The following CELF4 variants were observed in gnomAD, a reference collection of about 807,000 sequenced individuals.
CELF4 encodes the protein CUGBP Elav-like family member 4.
CELF4 carries 18 observed loss-of-function variants against 59.9 expected under a neutral mutation model. The observed-to-expected ratio is 0.30, with a 90% CI of 0.21 to 0.45. CELF4 has a LOEUF of 0.45. Ranked by LOEUF, CELF4 falls within the 20% of genes least tolerant of loss-of-function variation. The pLI, the probability that CELF4 is intolerant of heterozygous loss-of-function variation, is 1.00. For missense variants in CELF4, 456 were observed against 689.0 expected (o/e 0.66, Z 3.79); for synonymous variants, 261 against 267.1 (o/e 0.98, Z 0.22).
chr18:37,472,169 T>C (rs2099835070), intron 2 of CELF4, among the ~76,000 whole-genome samples: 1 of 152,192 alleles, frequency 6.6e-6, no homozygotes. Context: ...AAACACCTCT[T>C]GTGGGGGCAT....
intron 1 of CELF4, among the ~76,000 whole-genome samples, chr18:37,492,589 C>T (rs2099909634): frequency 6.6e-6 from 1 of 152,186 alleles, no homozygotes; most frequent in Non-Finnish European, 1.5e-5. Context: ...AGCAGATGTT[C>T]TGCTGCCACG....
chr18:37,417,733 C>A (rs1486119824), intron 2 of CELF4, among the ~76,000 whole-genome samples: 1 of 152,206 alleles, frequency 6.6e-6, no homozygotes. Context: ...ACTGTGAAGG[C>A]CAGTCTGATT....
intron 1 of CELF4, among the ~76,000 whole-genome samples, chr18:37,486,883 C>G (rs2154603243): frequency 6.6e-6 from 1 of 152,354 alleles, no homozygotes; most frequent in South Asian, 2.1e-4. Context: ...TCTCCGAAAC[C>G]CATTGATCTT....
At position 37,301,569 on chromosome 18, in the gene CELF4, T is replaced by C. The variant is rs568305028; in HGVS notation, c.448+20234A>G. Among the ~76,000 whole-genome samples, 7 of 152,266 alleles carry C rather than the reference T, an allele frequency of 4.6e-5. No individual in the cohort carries two copies. In the East Asian group the frequency reaches 1.4e-3, roughly 30 times the overall value. ...GCATGGGGCTGGACCATGTGTTTCC[T>C]CCCAGCTCAGCCCTGCTCCAGGTTG... On this transcript the variant is annotated intron_variant, in intron 3 of 12. Transcript: ENST00000420428.
intron 2 of CELF4, among the ~76,000 whole-genome samples, chr18:37,383,363 G>C (rs1339406229): frequency 6.6e-6 from 1 of 152,210 alleles, no homozygotes; most frequent in Non-Finnish European, 1.5e-5. Flanking sequence ...GCGCCACCCT[G>C]CATGGAGACA....
intron 3 of CELF4, among the ~76,000 whole-genome samples, chr18:37,302,845 C>T (rs2096151716): frequency 6.6e-6 from 1 of 152,184 alleles, no homozygotes; most frequent in South Asian, 2.1e-4. Flanking sequence ...CCTCCAACAG[C>T]ATTGCTTCCT....
At chr18:37,423,229 C>T (rs2099591327) in intron 2 of CELF4, among the ~76,000 whole-genome samples, 1 of 152,226 alleles carries the variant, frequency 6.6e-6, no homozygotes, top group African/African-American at 2.4e-5. Context: ...GGACAAGGGG[C>T]ACAGATGCAG....
intron 3 of CELF4, among the ~76,000 whole-genome samples, chr18:37,311,095 G>A (rs528882859): frequency 6.6e-6 from 1 of 152,216 alleles, no homozygotes; most frequent in South Asian, 2.1e-4. Context: ...AATTAGCCGG[G>A]GCCACAGGGA....
At chr18:37,318,183 C>A (rs2096934020) in intron 3 of CELF4, among the ~76,000 whole-genome samples, 1 of 151,866 alleles carries the variant, frequency 6.6e-6, no homozygotes, top group East Asian at 1.9e-4. Flanking sequence ...CTGGGGCTGA[C>A]CCTCCCCCTC....
intron 2 of CELF4, among the ~76,000 whole-genome samples, chr18:37,394,609 CA>C (rs1394499423): frequency 6.6e-6 from 1 of 152,212 alleles, no homozygotes; most frequent in Non-Finnish European, 1.5e-5. Context: ...ATTAGAGACA[CA>C]GATGTCTTCA....
Position 37,400,996 on chromosome 18 carries a change from C to A in CELF4, c.370-79115G>T, listed in dbSNP as rs950703386. ...GGGCCCTTCTGATGCAGTGTTGGGCCTGGCAGGGGCCCTGGGGGCTGGCTC... is the reference window on the plus strand; with the variant it reads ...GGGCCCTTCTGATGCAGTGTTGGGCATGGCAGGGGCCCTGGGGGCTGGCTC... On this transcript the variant is annotated intron_variant, in intron 2 of 12. Coordinates refer to ENST00000420428, the MANE Select transcript of CELF4 (RefSeq NM_020180.4). 2.0e-5 allele frequency among the ~76,000 whole-genome samples: 3 copies of A among 152,316 alleles called. No individual in the cohort carries two copies. In the South Asian group the frequency reaches 6.2e-4, roughly 32 times the overall value.
chr18:37,362,198 C>A (rs996361160), intron 2 of CELF4, among the ~76,000 whole-genome samples: 31 of 152,200 alleles, frequency 2.0e-4, no homozygotes, highest in African/African-American at 6.8e-4. Context: ...GAGGTGCAGG[C>A]TCCTCAGCCC....
intron 1 of CELF4, among the ~76,000 whole-genome samples, chr18:37,505,902 C>T (rs1236966497): frequency 2.0e-5 from 3 of 152,184 alleles, no homozygotes; most frequent in Non-Finnish European, 2.9e-5. Context: ...CCAGTCCTCC[C>T]AGAACCACAC....
chr18:37,516,840 T>G (rs1255964425), intron 1 of CELF4, among the ~76,000 whole-genome samples: 1 of 152,194 alleles, frequency 6.6e-6, no homozygotes, highest in African/African-American at 2.4e-5. Flanking sequence ...GCTCCTTAGC[T>G]GTGTAGCTCA....
At chr18:37,505,989 C>T (rs1184252583) in intron 1 of CELF4, among the ~76,000 whole-genome samples, 2 of 152,052 alleles carry the variant, frequency 1.3e-5, no homozygotes, top group African/African-American at 2.4e-5. Context: ...GGGCAAGTTG[C>T]CCCTCCCAGG....
At chr18:37,265,230 C>CGT (rs2076977238) in intron 9 of CELF4, among the ~76,000 whole-genome samples, 1 of 151,676 alleles carries the variant, frequency 6.6e-6, no homozygotes, top group African/African-American at 2.4e-5. Context: ...CGTGTGTGCG[C>CGT]GCACGTGCAC....
intron 2 of CELF4, among the ~76,000 whole-genome samples, chr18:37,327,675 A>AG (rs1036891989): frequency 6.6e-6 from 1 of 152,168 alleles, no homozygotes; most frequent in African/African-American, 2.4e-5. Flanking sequence ...CGGGGAGGCA[A>AG]GGGGGGGTCC....
Position 37,528,649 on chromosome 18 carries a change from G to A in CELF4, c.286+36707C>T, listed in dbSNP as rs117156022. 5.8e-3 allele frequency among the ~76,000 whole-genome samples: 885 copies of A among 152,250 alleles called. 9 individuals are homozygous for A. Among genetic ancestry groups the A allele is most frequent in the Non-Finnish European group, 8.9e-3 (605 of 68,018 alleles). ...TGGGTGTGTTTGTGTGTGTCTGTAC[G>A]TGAGATATTTCTAGAAGAATACACA... On this transcript the variant is annotated intron_variant, in intron 1 of 12. Transcript: ENST00000420428.
At chr18:37,425,885 G>C (rs1472168794) in intron 2 of CELF4, among the ~76,000 whole-genome samples, 2 of 152,226 alleles carry the variant, frequency 1.3e-5, no homozygotes, top group Non-Finnish European at 2.9e-5. Flanking sequence ...TTGGTTCTCT[G>C]TTAGGTGCTG....
Sources: gnomAD v4.1 joint callset for allele counts (sites outside exome capture counted in the v4.1 genomes callset) on GRCh38, gnomAD v4.1.1 for gene constraint, MANE v1.5 for transcripts, NCBI Gene and HGNC (gene_info 2026-07-23, HGNC 2026-07-21) for gene names.